The following MICAL2 variants were observed in gnomAD, a reference collection of about 807,000 sequenced individuals.
MICAL2 encodes microtubule associated monooxygenase, calponin and LIM domain containing 2.
Under a neutral mutation model 127.3 loss-of-function variants are expected in MICAL2, and 77 were observed. The observed-to-expected ratio is 0.60, with a 90% CI of 0.50 to 0.73. MICAL2 has a LOEUF of 0.73. MICAL2 is among the 30% of genes least tolerant of loss of function. The pLI, the probability that MICAL2 is intolerant of heterozygous loss-of-function variation, is 0.00. For synonymous variants in MICAL2, 570 were observed against 551.1 expected (o/e 1.03, Z -0.48); for missense variants, 1,351 against 1,434.4 (o/e 0.94, Z 0.94).
chr11:12,185,463 G>A (rs114778030), intron 3 of MICAL2, among the ~76,000 whole-genome samples: 3,039 of 152,072 alleles, frequency 0.02, 111 homozygotes, highest in African/African-American at 0.069. Context: ...CAAGCCACTC[G>A]TGCTTCCTTC....
At chr11:12,202,939 C>T (rs1230015102) in intron 3 of MICAL2, among the ~76,000 whole-genome samples, 2 of 152,238 alleles carry the variant, frequency 1.3e-5, no homozygotes, top group African/African-American at 4.8e-5. Context: ...TTCCCCAATT[C>T]TCCCTCCCCC....
chr11:12,125,304 A>C (rs1478477369), intron 1 of MICAL2, among the ~76,000 whole-genome samples: 4 of 152,222 alleles, frequency 2.6e-5, no homozygotes, highest in Non-Finnish European at 5.9e-5. Flanking sequence ...CCCAGGATGG[A>C]GTGCAGTGGC....
intron 18 of MICAL2, among the ~76,000 whole-genome samples, chr11:12,241,779 A>T (rs938629025): frequency 6.6e-6 from 1 of 152,222 alleles, no homozygotes; most frequent in African/African-American, 2.4e-5. Context: ...GTGGAGGTTG[A>T]GTAAGGTCGG....
chr11:12,317,791 C>CA (rs34962883), intron 29 of MICAL2, among the ~76,000 whole-genome samples: 57,374 of 130,566 alleles, frequency 0.44, 13,684 homozygotes, highest in Non-Finnish European at 0.57. Context: ...GACTCCGTCT[C>CA]AAAAAAAAAA....
At chr11:12,259,366 T>A (rs1565272490) in intron 25 of MICAL2, among the ~76,000 whole-genome samples, 1 of 152,034 alleles carries the variant, frequency 6.6e-6, no homozygotes. Flanking sequence ...TTTTTTATGT[T>A]GGAGCATAAT....
intron 25 of MICAL2, 105 bp from the exon 26 acceptor site, chr11:12,259,690 G>A: frequency 9.9e-7 from 1 of 1,012,012 alleles, no homozygotes; most frequent in South Asian, 2.0e-5. Flanking sequence ...TGTGGGGGCT[G>A]GTTGCAGGGT....
chr11:12,319,902 T>C lies in MICAL2; in HGVS notation c.5328+91T>C. On this transcript the variant is annotated intron_variant, in intron 30 of 34. Coordinates refer to the MICAL2 transcript ENST00000646065. ...GAACCAATGTGGGCTCCAGCTGCAG[T>C]GGTTTCCTTAGGAGGATCATGTTTC... 3.2e-6 allele frequency: 3 copies of C among 928,286 alleles called. No individual in the cohort carries two copies. In the South Asian group the frequency reaches 4.1e-5, roughly 13 times the overall value. The allele number at this position is 928,286 out of a possible 1,614,324, so 57.5% of individuals were successfully genotyped here. A position where few individuals can be genotyped will look rare whatever the true frequency, so the allele number is the denominator to read the frequency against.
At chr11:12,151,203 T>G (rs538587781) in intron 2 of MICAL2, among the ~76,000 whole-genome samples, 1 of 152,126 alleles carries the variant, frequency 6.6e-6, no homozygotes, top group Non-Finnish European at 1.5e-5. Flanking sequence ...AGGGAAAGGA[T>G]GTCTTTTTCA....
At chr11:12,355,042 G>A (rs1939109940) in intron 34 of MICAL2, among the ~76,000 whole-genome samples, 1 of 152,226 alleles carries the variant, frequency 6.6e-6, no homozygotes. Flanking sequence ...CACTTGGGCT[G>A]TGAGGGCAGT....
chr11:12,142,711 T>G (rs916183267), intron 2 of MICAL2, among the ~76,000 whole-genome samples: 1 of 152,254 alleles, frequency 6.6e-6, no homozygotes, highest in Non-Finnish European at 1.5e-5. Flanking sequence ...TTACCTTGTT[T>G]TTCCTCATAG....
At chr11:12,261,121 G>A (rs1863057713) in intron 26 of MICAL2, 9 of 985,536 alleles carry the variant, frequency 9.1e-6, no homozygotes, top group Non-Finnish European at 1.1e-5. Flanking sequence ...CCACTTATGT[G>A]GTGTCCTTTG....
At chr11:12,290,328 A>C (rs1863881321), downstream of MICAL2, among the ~76,000 whole-genome samples, 1 of 152,004 alleles carries the variant, frequency 6.6e-6, no homozygotes, top group South Asian at 2.1e-4. Context: ...ACCTCGTGAG[A>C]CCTGAGGTGT....
intron 16 of MICAL2, 122 bp from the exon 17 acceptor site, chr11:12,239,313 TC>T (rs920134465): frequency 3.7e-5 from 50 of 1,348,934 alleles, no homozygotes; most frequent in Middle Eastern, 2.6e-4. Context: ...CTGCCTCCCT[TC>T]CTCAGACCAT....
chr11:12,161,775 C>A, intron 2 of MICAL2: 1 of 231,810 alleles, frequency 4.3e-6, no homozygotes, highest in Non-Finnish European at 8.5e-6. Context: ...AACCACTTGG[C>A]TTAGAGCAAG....
upstream of MICAL2, among the ~76,000 whole-genome samples, chr11:12,272,099 G>A (rs1197008283): frequency 6.6e-6 from 1 of 152,212 alleles, no homozygotes; most frequent in Non-Finnish European, 1.5e-5. Flanking sequence ...CTCCATGGAA[G>A]GAGGAAAGAG....
chr11:12,203,433 C>CT (rs1181443344), intron 3 of MICAL2, among the ~76,000 whole-genome samples: 1 of 152,174 alleles, frequency 6.6e-6, no homozygotes, highest in East Asian at 1.9e-4. Context: ...TTGCTGTTCT[C>CT]TTTTTTATCA....
chr11:12,340,680 A>C (rs1468338276), intron 32 of MICAL2, among the ~76,000 whole-genome samples: 1 of 152,234 alleles, frequency 6.6e-6, no homozygotes, highest in East Asian at 1.9e-4. Flanking sequence ...ATAGTCATAC[A>C]ACCGAATGTT....
intron 15 of MICAL2, among the ~76,000 whole-genome samples, chr11:12,235,196 G>T (rs540646519): frequency 1.7e-4 from 26 of 152,268 alleles, no homozygotes; most frequent in African/African-American, 6.3e-4. Flanking sequence ...GGGGTACGGA[G>T]GAGGTACTAA....
chr11:12,299,374 A>G lies in MICAL2; in HGVS notation c.5212+4517A>G, dbSNP rs139547478. On this transcript the variant is annotated intron_variant, in intron 29 of 34. Coordinates refer to the MICAL2 transcript ENST00000646065. The stretch of plus-strand genomic sequence containing the variant: ...ACTTGGGGGTGCACACTTCCATGCA[A>G]TGGAGAGAGAAAACAGCATCATGCT... Among the ~76,000 whole-genome samples the G allele has an allele frequency of 7.6e-3, 1,163 of 152,288 alleles. 6 individuals are homozygous for G. Among genetic ancestry groups the G allele is most frequent in the Non-Finnish European group, 0.012 (849 of 68,022 alleles).
Sources: allele counts gnomAD v4.1 joint callset (sites outside exome capture counted in the v4.1 genomes callset), GRCh38; gene constraint gnomAD v4.1.1; transcripts MANE v1.5; gene names NCBI Gene and HGNC (gene_info 2026-07-23, HGNC 2026-07-21).